Variants in NCKAP5 observed in about 807,000 individuals in gnomAD.
NCKAP5 encodes nck-associated protein 5.
A neutral mutation model predicts 167.0 loss-of-function variants in NCKAP5; 92 were observed. The ratio of observed to expected loss-of-function variants is 0.55; its 90% CI spans 0.47 to 0.66. The LOEUF is 0.66. NCKAP5 is among the 30% of genes least tolerant of loss of function. NCKAP5 has a pLI of 0.00. For synonymous variants in NCKAP5, 891 were observed against 877.4 expected, an observed-to-expected ratio of 1.02 and a Z score of -0.27; for missense variants, 2,378 against 2,315.0, an observed-to-expected ratio of 1.03 and a Z score of -0.56.
At chr2:132,990,642 A>G (rs1346835980) in intron 7 of NCKAP5, among the ~76,000 whole-genome samples, 1 of 152,200 alleles carries the variant, frequency 6.6e-6, no homozygotes, top group Non-Finnish European at 1.5e-5. Context: ...GGGACCCTAG[A>G]GAGGACAATG....
chr2:133,066,252 A>G (rs1486348508), intron 6 of NCKAP5, among the ~76,000 whole-genome samples: 1 of 152,240 alleles, frequency 6.6e-6, no homozygotes, highest in Non-Finnish European at 1.5e-5. Context: ...ATTATGATTC[A>G]TGTTAGAACT....
At chr2:133,214,146 G>A (rs184942207) in intron 4 of NCKAP5, among the ~76,000 whole-genome samples, 3 of 151,684 alleles carry the variant, frequency 2.0e-5, no homozygotes, top group African/African-American at 7.3e-5. Flanking sequence ...TTCTTTTGTT[G>A]CTCTCCACAC....
Position 132,784,052 on chromosome 2 carries a change from G to C in NCKAP5, c.2759C>G (p.Pro920Arg). 1 of 1,533,024 alleles carries C rather than the reference G, an allele frequency of 6.5e-7. No homozygotes were observed. The highest frequency in any genetic ancestry group is 8.7e-7 in the Non-Finnish European group (1 of 1,143,768). The allele number at this position is 1,533,024 out of a possible 1,614,324, so 95.0% of individuals were successfully genotyped here. Residue 920 changes from proline (P) to arginine (R), a missense_variant, in exon 14 of 20, where the codon CCG (proline) becomes CGG (arginine). Around this residue, in one of 3 missense-constraint regions of NCKAP5, gnomAD observed 1,325 missense variants for 1,274.5 expected, o/e 1.04. Transcript: ENST00000409261. ...GGAAGGGGATTTCACCCCTGCCTCC[G>C]GCCCAGAGCCACAGTGTTCATCCCT... is the stretch of plus-strand genomic sequence containing the variant. ...PTRDEHCGSG[P>R]EAGVKSPSPP...
intron 5 of NCKAP5, among the ~76,000 whole-genome samples, chr2:133,153,828 T>G (rs895831620): frequency 7.4e-6 from 1 of 134,842 alleles, no homozygotes; most frequent in African/African-American, 2.8e-5. Context: ...AAATAGTTCC[T>G]CCTTCTTTTT....
chr2:133,379,417 T>C (rs1445342423), intron 3 of NCKAP5, among the ~76,000 whole-genome samples: 2 of 152,212 alleles, frequency 1.3e-5, no homozygotes, highest in African/African-American at 4.8e-5. Flanking sequence ...TGGCCAAAGC[T>C]AGAGAAGTCT....
intron 6 of NCKAP5, among the ~76,000 whole-genome samples, chr2:133,038,382 T>A (rs2079103986): frequency 6.6e-6 from 1 of 152,098 alleles, no homozygotes; most frequent in Non-Finnish European, 1.5e-5. Context: ...AAGACAAACA[T>A]CGCATGTTTT....
At chr2:133,663,820 T>C in the NCKAP5 span, among the ~76,000 whole-genome samples, 1 of 152,170 alleles carries the variant, frequency 6.6e-6, no homozygotes, top group African/African-American at 2.4e-5. Flanking sequence ...ATCAACTTCT[T>C]CCAAACTCCT....
intron 5 of NCKAP5, among the ~76,000 whole-genome samples, chr2:133,213,510 C>T (rs1202718825): frequency 6.6e-6 from 1 of 151,976 alleles, no homozygotes; most frequent in Non-Finnish European, 1.5e-5. Flanking sequence ...TATTTAAAGC[C>T]TCATTTTTTT....
chr2:132,956,549 C>T (rs144075779), intron 8 of NCKAP5, among the ~76,000 whole-genome samples: 10 of 152,310 alleles, frequency 6.6e-5, no homozygotes, highest in Admixed American at 1.3e-4. Flanking sequence ...TCATCGATTT[C>T]GCCCTCTCCA....
intron 11 of NCKAP5, among the ~76,000 whole-genome samples, chr2:132,818,304 T>A (rs1686442609): frequency 6.6e-6 from 1 of 152,222 alleles, no homozygotes; most frequent in Non-Finnish European, 1.5e-5. Context: ...TAAGCAATTG[T>A]CCTGTCTCTA....
chr2:132,905,732 G>A (rs1399776177), intron 8 of NCKAP5, among the ~76,000 whole-genome samples: 1 of 151,972 alleles, frequency 6.6e-6, no homozygotes, highest in Non-Finnish European at 1.5e-5. Context: ...GATAATTTTT[G>A]AGCCACCATT....
At chr2:132,779,565 C>T (rs1479157288) in intron 15 of NCKAP5, among the ~76,000 whole-genome samples, 1 of 146,796 alleles carries the variant, frequency 6.8e-6, no homozygotes, top group African/African-American at 2.5e-5. Flanking sequence ...GGGATGATAC[C>T]ATGGAAGCCA....
At chr2:133,630,836 A>G in the NCKAP5 span, among the ~76,000 whole-genome samples, 18 of 152,222 alleles carry the variant, frequency 1.2e-4, no homozygotes, top group Admixed American at 3.3e-4. Context: ...CTACAGAATC[A>G]TGAAAAAGAG....
intron 4 of NCKAP5, among the ~76,000 whole-genome samples, chr2:133,251,446 T>G: frequency 6.6e-6 from 1 of 152,190 alleles, no homozygotes; most frequent in African/African-American, 2.4e-5. Flanking sequence ...TTGCATGAAT[T>G]TGCCGGACTT....
chr2:133,443,533 G>C (rs956380976), intron 3 of NCKAP5, among the ~76,000 whole-genome samples: 1 of 152,054 alleles, frequency 6.6e-6, no homozygotes, highest in African/African-American at 2.4e-5. Context: ...CTCCTTTCTT[G>C]CACACTCCCT....
rs1558773721 is a variant in NCKAP5 at position 132,785,064 on chromosome 2, C to G, written c.1747G>C (p.Asp583His). The G allele has an allele frequency of 3.7e-6, 6 of 1,613,954 alleles. No homozygotes were observed. Among genetic ancestry groups the G allele is most frequent in the Non-Finnish European group, 5.1e-6 (6 of 1,179,910 alleles). ...AGCTCATCAAACGTTTCATTGTCATCAGTGTCTGAAAGCTGGAGGTTGAGA... is the reference window on the plus strand; with the variant it reads ...AGCTCATCAAACGTTTCATTGTCATGAGTGTCTGAAAGCTGGAGGTTGAGA... The part of the protein sequence containing the change: ...MALNLQLSDT[D>H]DNETFDELHI... The change falls in exon 14 of 20, where the codon GAT becomes CAT. Residue 583 changes from aspartate to histidine, a missense_variant. Asp to His is a moderately conservative substitution (Grantham distance 81). Coordinates refer to ENST00000409261, the MANE Select transcript of NCKAP5 (RefSeq NM_207363.3).
At chr2:133,500,035 C>A (rs1027213659) in intron 3 of NCKAP5, among the ~76,000 whole-genome samples, 2 of 152,068 alleles carry the variant, frequency 1.3e-5, no homozygotes, top group African/African-American at 4.8e-5. Context: ...ATCTAGAATG[C>A]ATTCTATCAT....
intron 6 of NCKAP5, among the ~76,000 whole-genome samples, chr2:133,112,862 GCTGA>G (rs2081960982): frequency 6.6e-6 from 1 of 152,234 alleles, no homozygotes; most frequent in Non-Finnish European, 1.5e-5. Flanking sequence ...CTGTCTCATA[GCTGA>G]CTGTTTTATT....
Position 132,716,064 on chromosome 2 carries a change from C to T in NCKAP5, c.5713+9563G>A, listed in dbSNP as rs150311531. On this transcript the variant is annotated intron_variant, in intron 19 of 19. Coordinates refer to ENST00000409261, the MANE Select transcript of NCKAP5 (RefSeq NM_207363.3). ...TGACTCTGCACAGCAGATTAGTATC[C>T]CCTTCCCTCTCTGAGCTGTGACAAT... 1.5e-3 allele frequency among the ~76,000 whole-genome samples: 224 copies of T among 152,222 alleles called. 1 individual carries two copies. Among genetic ancestry groups the T allele is most frequent in the Admixed American group, 8.8e-3 (135 of 15,298 alleles).
Sources: allele counts gnomAD v4.1 joint callset (sites outside exome capture counted in the v4.1 genomes callset), GRCh38; gene constraint gnomAD v4.1.1; regional missense constraint gnomAD v4.1.1; transcripts MANE v1.5; gene names NCBI Gene and HGNC (gene_info 2026-07-23, HGNC 2026-07-21).